The following SHLD1 variants were observed in gnomAD, a reference collection of about 807,000 sequenced individuals.
SHLD1 encodes the protein shieldin complex subunit 1, also known as RINN1-REV7-interacting novel NHEJ regulator 3.
A neutral mutation model predicts 5.5 loss-of-function variants in SHLD1; 3 were observed. The ratio of observed to expected loss-of-function variants is 0.54; its 90% CI spans 0.25 to 1.40. The LOEUF is 1.40. Among genes scored for constraint, SHLD1 ranks in the 40% most tolerant of loss-of-function variants. The pLI, the probability that SHLD1 is intolerant of heterozygous loss-of-function variation, is 0.15. For synonymous variants in SHLD1, 92 were observed against 94.3 expected (o/e 0.98, Z 0.14); for missense variants, 210 against 244.4 (o/e 0.86, Z 0.94).
chr20:5,851,221 C>T (rs948167928), intron 2 of SHLD1, among the ~76,000 whole-genome samples: 2 of 152,166 alleles, frequency 1.3e-5, no homozygotes, highest in African/African-American at 2.4e-5. Flanking sequence ...AATGGTGGCT[C>T]ATATTTGTAA....
At position 5,806,839 on chromosome 20, in the gene SHLD1, G is replaced by A. The variant is rs1474664419; in HGVS notation, c.178+33796G>A. 2.6e-5 allele frequency among the ~76,000 whole-genome samples: 4 copies of A among 152,222 alleles called. No individual in the cohort carries two copies. Among genetic ancestry groups the A allele is most frequent in the South Asian group, 4.1e-4 (2 of 4,834 alleles). On this transcript the variant is annotated intron_variant, in intron 2 of 2. Transcript: ENST00000303142. This position sits in a 1 kb window ranked among gnomAD's most constrained non-coding sequence, Gnocchi z 7.6. ...GAACAGAGTGGTGGCAGTGATGGTT[G>A]CCAGCCCTCTGTCACCACCCTCTCC...
intron 2 of SHLD1, among the ~76,000 whole-genome samples, chr20:5,830,839 T>C (rs889504579): frequency 1.3e-5 from 2 of 152,162 alleles, no homozygotes; most frequent in African/African-American, 4.8e-5. Flanking sequence ...ATATTCAGTT[T>C]GTAAAAGTTA....
rs1459996348 is a variant in SHLD1, at chr20:5,799,327, G to T, written c.178+26284G>T. 2.6e-5 allele frequency among the ~76,000 whole-genome samples: 4 copies of T among 151,658 alleles called. No homozygotes were observed. In the East Asian group the frequency reaches 5.8e-4, roughly 22 times the overall value. On this transcript the variant is annotated intron_variant, in intron 2 of 2. Coordinates refer to ENST00000303142, the MANE Select transcript of SHLD1 (RefSeq NM_152504.4). ...TTTCTCTCTTTCTTTTTGAGCCAGG[G>T]TCTCACTTTGTCCCTGAGGCTGTAG...
chr20:5,769,644 GTC>G (rs200073176), intron 1 of SHLD1, among the ~76,000 whole-genome samples: 2 of 152,140 alleles, frequency 1.3e-5, no homozygotes, highest in East Asian at 1.9e-4. Flanking sequence ...TGTGAATGTG[GTC>G]TCTCTCTCAA....
At chr20:5,851,609 A>C (rs2122494203) in intron 2 of SHLD1, among the ~76,000 whole-genome samples, 1 of 152,124 alleles carries the variant, frequency 6.6e-6, no homozygotes, top group South Asian at 2.1e-4. Context: ...AACATAAAAC[A>C]AAAAAGAAGA....
chr20:5,801,071 C>CTTTTTTTTTTTTTTTTTTTTT (rs67798135), intron 2 of SHLD1, among the ~76,000 whole-genome samples: 3 of 121,942 alleles, frequency 2.5e-5, no homozygotes, highest in Non-Finnish European at 1.8e-5. Context: ...CAGCCACCAT[C>CTTTTTTTTTTTTTTTTTTTTT]TTTTTTTTTT....
chr20:5,771,259 C>T (rs1448954055), intron 1 of SHLD1, among the ~76,000 whole-genome samples: 1 of 152,122 alleles, frequency 6.6e-6, no homozygotes, highest in Non-Finnish European at 1.5e-5. Context: ...CAGAAGAGGC[C>T]AGTTTTATTG....
At chr20:5,764,230 T>C (rs1600096697) in intron 1 of SHLD1, among the ~76,000 whole-genome samples, 2 of 138,554 alleles carry the variant, frequency 1.4e-5, no homozygotes, top group South Asian at 4.3e-4. Context: ...TATATATATA[T>C]ATATATATAC....
intron 2 of SHLD1, among the ~76,000 whole-genome samples, chr20:5,830,636 C>T (rs982635129): frequency 6.6e-6 from 1 of 150,572 alleles, no homozygotes; most frequent in Non-Finnish European, 1.5e-5. Flanking sequence ...TGCAGTGAGC[C>T]GAGATTGCGC....
intron 2 of SHLD1, 49 bp downstream of exon 2, chr20:5,773,092 A>G: frequency 3.2e-6 from 5 of 1,580,286 alleles, no homozygotes; most frequent in Non-Finnish European, 4.4e-6. Context: ...ACTAGCAGCA[A>G]TACGGGTGTG....
chr20:5,791,452 T>A (rs1333317173), intron 2 of SHLD1, among the ~76,000 whole-genome samples: 5 of 149,966 alleles, frequency 3.3e-5, no homozygotes, highest in African/African-American at 7.4e-5. Context: ...TAGTCCCAGC[T>A]ACTTCGGGAA....
At chr20:5,764,040 T>C (rs1568489809) in intron 1 of SHLD1, among the ~76,000 whole-genome samples, 1 of 146,286 alleles carries the variant, frequency 6.8e-6, no homozygotes, top group Admixed American at 6.9e-5. Context: ...GGCAGGATAA[T>C]TGCTTAAACC....
At chr20:5,830,553 T>C (rs1360209808) in intron 2 of SHLD1, among the ~76,000 whole-genome samples, 3 of 152,124 alleles carry the variant, frequency 2.0e-5, no homozygotes, top group Admixed American at 6.6e-5. Context: ...CCAGGCGTAG[T>C]GGCACATGCC....
At chr20:5,781,333 G>A (rs958949114) in intron 2 of SHLD1, among the ~76,000 whole-genome samples, 1 of 152,088 alleles carries the variant, frequency 6.6e-6, no homozygotes, top group African/African-American at 2.4e-5. Flanking sequence ...AGGAGTTCGA[G>A]GCTACAGTGA....
intron 2 of SHLD1, among the ~76,000 whole-genome samples, chr20:5,797,757 C>G (rs1364326963): frequency 3.3e-5 from 5 of 152,190 alleles, no homozygotes; most frequent in Admixed American, 3.3e-4. Context: ...AATGCCTTTG[C>G]TACTCATGAA....
intron 2 of SHLD1, among the ~76,000 whole-genome samples, chr20:5,783,721 G>T (rs756134606): frequency 1.3e-5 from 2 of 152,190 alleles, no homozygotes; most frequent in Admixed American, 6.5e-5. Context: ...CGAGCTGGTG[G>T]TTCCTCACAG....
chr20:5,755,757 C>G (rs967223147), intron 1 of SHLD1, among the ~76,000 whole-genome samples: 4 of 152,070 alleles, frequency 2.6e-5, no homozygotes, highest in Non-Finnish European at 4.4e-5. Context: ...CGGGGTTTCT[C>G]CATGTTGGTC....
chr20:5,807,282 A>G (rs2087391236), intron 2 of SHLD1, among the ~76,000 whole-genome samples: 1 of 152,164 alleles, frequency 6.6e-6, no homozygotes, highest in Non-Finnish European at 1.5e-5. Flanking sequence ...TTCATAAGTT[A>G]CTATTTATTT....
intron 1 of SHLD1, among the ~76,000 whole-genome samples, chr20:5,756,008 T>C (rs564076675): frequency 3.7e-4 from 56 of 152,226 alleles, no homozygotes; most frequent in African/African-American, 1.3e-3. Context: ...CAGAGTCAGG[T>C]TGGAGTTGCG....
Sources: allele counts gnomAD v4.1 joint callset (sites outside exome capture counted in the v4.1 genomes callset), GRCh38; gene constraint gnomAD v4.1.1; non-coding constraint Gnocchi (gnomAD v3.1); transcripts MANE v1.5; gene names NCBI Gene and HGNC (gene_info 2026-07-23, HGNC 2026-07-21).